RNFT2: variants seen among roughly 807,000 people sequenced by gnomAD.
RNFT2 encodes ring finger protein, transmembrane 2.
RNFT2 carries 36 observed loss-of-function variants against 53.0 expected under a neutral mutation model. The ratio of observed to expected loss-of-function variants is 0.68; its 90% CI spans 0.52 to 0.90. The LOEUF is 0.90. Ranked by LOEUF, RNFT2 falls within the 40% of genes least tolerant of loss-of-function variation. The pLI is 0.00. For missense variants in RNFT2, 514 were observed against 585.6 expected, an observed-to-expected ratio of 0.88 and a Z score of 1.26; for synonymous variants, 260 against 253.2, an observed-to-expected ratio of 1.03 and a Z score of -0.26.
intron 7 of RNFT2, among the ~76,000 whole-genome samples, chr12:116,830,084 T>C (rs1876560312): frequency 6.6e-6 from 1 of 152,178 alleles, no homozygotes; most frequent in Non-Finnish European, 1.5e-5. Flanking sequence ...GAGATAATTT[T>C]AGACTTAAAG....
intron 7 of RNFT2, among the ~76,000 whole-genome samples, 200 bp from the exon 8 acceptor site, chr12:116,833,592 G>A (rs935582133): frequency 9.9e-5 from 15 of 152,166 alleles, no homozygotes; most frequent in African/African-American, 3.4e-4. Flanking sequence ...GCTGGGTGGC[G>A]GGTGAGGGCA....
At chr12:116,801,068 C>T (rs1036071869) in intron 7 of RNFT2, 1 of 152,154 alleles carries the variant, frequency 6.6e-6, no homozygotes, top group African/African-American at 2.4e-5. Context: ...GTCTTCTCAG[C>T]AACACTCTGA....
chr12:116,740,842 C>T, intron 2 of RNFT2, 194 bp from the exon 3 acceptor site: 1 of 637,880 alleles, frequency 1.6e-6, no homozygotes, highest in East Asian at 2.7e-5. Context: ...GGGGTGATAG[C>T]TTTCCTCATG....
At chr12:116,808,863 C>A (rs1280877402) in intron 7 of RNFT2, among the ~76,000 whole-genome samples, 1 of 152,148 alleles carries the variant, frequency 6.6e-6, no homozygotes, top group Non-Finnish European at 1.5e-5. Context: ...CCCACTCTCA[C>A]CCCCAGCACT....
At chr12:116,759,310 G>C (rs2137087343) in intron 5 of RNFT2, among the ~76,000 whole-genome samples, 1 of 152,140 alleles carries the variant, frequency 6.6e-6, no homozygotes, top group East Asian at 1.9e-4. Flanking sequence ...GCCTTTCTCT[G>C]GTCCCTCCCT....
intron 7 of RNFT2, among the ~76,000 whole-genome samples, chr12:116,787,586 C>T (rs1456228480): frequency 2.6e-5 from 4 of 151,938 alleles, no homozygotes; most frequent in Non-Finnish European, 4.4e-5. Context: ...CATGGTGGAA[C>T]GCACCTGTAG....
At chr12:116,818,535 G>A (rs1051876036) in intron 7 of RNFT2, among the ~76,000 whole-genome samples, 1 of 152,146 alleles carries the variant, frequency 6.6e-6, no homozygotes, top group African/African-American at 2.4e-5. Context: ...AGCGATGGGA[G>A]AAATCTGCTG....
intron 7 of RNFT2, among the ~76,000 whole-genome samples, chr12:116,825,416 A>G (rs1002781850): frequency 6.6e-6 from 1 of 152,232 alleles, no homozygotes; most frequent in Admixed American, 6.5e-5. Flanking sequence ...ATAAGGCAGC[A>G]GTAACATAAT....
chr12:116,834,173 C>G (rs968043816), intron 8 of RNFT2, among the ~76,000 whole-genome samples: 1 of 151,878 alleles, frequency 6.6e-6, no homozygotes, highest in Admixed American at 6.6e-5. Flanking sequence ...GGCTGGAGTT[C>G]GGTAGCGCAG....
At chr12:116,818,618 G>A (rs186690811) in intron 7 of RNFT2, among the ~76,000 whole-genome samples, 212 of 152,324 alleles carry the variant, frequency 1.4e-3, no homozygotes, top group Non-Finnish European at 2.3e-3. Flanking sequence ...TGGCGACCCT[G>A]TCGGAGAGAG....
In RNFT2 at chr12:116,750,321, G is replaced by T; in HGVS notation, c.550+14G>T. 2 of 1,585,474 alleles carry T rather than the reference G, an allele frequency of 1.3e-6. No individual in the cohort carries two copies. Among genetic ancestry groups the T allele is most frequent in the Non-Finnish European group, 1.7e-6 (2 of 1,173,030 alleles). On this transcript the variant is annotated intron_variant, in intron 4 of 10. Coordinates refer to ENST00000257575, the MANE Select transcript of RNFT2 (RefSeq NM_001382266.1). ...AGCATAAGCTCGGTGAGTTCTGGGG[G>T]CATGGGTGTCCTAGCCATGGGCTTC...
chr12:116,757,056 G>A (rs1203066312), intron 5 of RNFT2, among the ~76,000 whole-genome samples: 1 of 151,986 alleles, frequency 6.6e-6, no homozygotes, highest in African/African-American at 2.4e-5. Flanking sequence ...AAGCGAGAAG[G>A]GTTGTATTTT....
intron 7 of RNFT2, among the ~76,000 whole-genome samples, chr12:116,818,336 AT>A (rs1875804328): frequency 6.7e-6 from 1 of 149,996 alleles, no homozygotes; most frequent in South Asian, 2.1e-4. Context: ...AAAAAAAAAA[AT>A]CCGCTTTTTC....
intron 7 of RNFT2, among the ~76,000 whole-genome samples, chr12:116,821,023 G>A (rs560382635): frequency 3.3e-5 from 5 of 152,208 alleles, no homozygotes; most frequent in East Asian, 1.9e-4. Flanking sequence ...ATGGGAACGC[G>A]TCATAACTAC....
At chr12:116,742,523 G>A (rs1349799173) in intron 3 of RNFT2, among the ~76,000 whole-genome samples, 2 of 152,140 alleles carry the variant, frequency 1.3e-5, no homozygotes, top group East Asian at 3.9e-4. Context: ...CGACTTGGCC[G>A]CCCAAGCTCC....
Position 116,852,590 on chromosome 12 carries a change from A to C in RNFT2, c.*3142A>C. Reference sequence around the variant, plus strand: ...TTCTCCCTACCCTGAGGAAAAACCAAAGGGAAGCAACAGGAACTTCTGCAA... The same window carrying C: ...TTCTCCCTACCCTGAGGAAAAACCACAGGGAAGCAACAGGAACTTCTGCAA... On this transcript the variant is annotated 3_prime_UTR_variant, in exon 11 of 11. Transcript: ENST00000257575. The C allele has an allele frequency of 6.2e-7, 1 of 1,613,346 alleles. No homozygotes were observed. The highest frequency in any genetic ancestry group is 8.5e-7 in the Non-Finnish European group (1 of 1,179,456).
rs1875027741 is a variant in RNFT2, at chr12:116,805,977, A to G, written c.882+26629A>G. On this transcript the variant is annotated intron_variant, in intron 7 of 10. Transcript: ENST00000257575. ...CAGATCAGTGTTTGATTGCATAACT[A>G]AATACTACAGCCTAGCTAGCTGAAT... Among the ~76,000 whole-genome samples, 3 of 152,242 alleles carry G rather than the reference A, an allele frequency of 2.0e-5. No individual in the cohort carries two copies. The South Asian group carries it at 6.2e-4, about 31-fold the overall frequency.
intron 6 of RNFT2, among the ~76,000 whole-genome samples, chr12:116,769,895 T>A (rs866003003): frequency 1.3e-5 from 2 of 151,658 alleles, no homozygotes; most frequent in African/African-American, 4.8e-5. Flanking sequence ...ATTAGCCAGG[T>A]GTGGTGGCAG....
At position 116,753,915 on chromosome 12, in the gene RNFT2, G is replaced by GT. The variant is rs1474871417; in HGVS notation, c.551-67dup. ...ACCAGGGATGTGCCTTTTCCCCCATGTTGCTCAGCACCTGGGCTAGGCCTG... is the reference window on the plus strand; with the variant it reads ...ACCAGGGATGTGCCTTTTCCCCCATGTTTGCTCAGCACCTGGGCTAGGCCTG... On this transcript the variant is annotated intron_variant, in intron 4 of 10. Transcript: ENST00000257575. 3 of 1,225,926 alleles carry GT rather than the reference G, an allele frequency of 2.4e-6. No individual in the cohort carries two copies. The Admixed American group carries it at 5.2e-5, about 21-fold the overall frequency. 75.9% of individuals were successfully genotyped at this position (1,225,926 alleles called of 1,614,324 possible). A position where few individuals can be genotyped will look rare whatever the true frequency, so the allele number is the denominator to read the frequency against.
Sources: gnomAD v4.1 joint callset for allele counts (sites outside exome capture counted in the v4.1 genomes callset) on GRCh38, gnomAD v4.1.1 for gene constraint, MANE v1.5 for transcripts, NCBI Gene and HGNC (gene_info 2026-07-23, HGNC 2026-07-21) for gene names.